The following MIPEP variants were observed in gnomAD, a reference collection of about 807,000 sequenced individuals.
The protein encoded by MIPEP is mitochondrial intermediate peptidase.
A neutral mutation model predicts 90.3 loss-of-function variants in MIPEP; 79 were observed. The ratio of observed to expected loss-of-function variants is 0.87; its 90% CI spans 0.73 to 1.05. The LOEUF (loss-of-function observed/expected upper bound fraction) is 1.05. MIPEP is among the 50% of genes least tolerant of loss of function. The pLI is 0.00. For missense variants in MIPEP, 940 were observed against 905.6 expected (o/e 1.04, Z -0.49); for synonymous variants, 334 against 315.8 (o/e 1.06, Z -0.61).
intron 16 of MIPEP, among the ~76,000 whole-genome samples, chr13:23,768,976 A>G (rs1952621499): frequency 6.6e-6 from 1 of 152,238 alleles, no homozygotes; most frequent in South Asian, 2.1e-4. Context: ...GAGACATAGA[A>G]AGGTAACATG....
intron 14 of MIPEP, among the ~76,000 whole-genome samples, chr13:23,813,817 G>A (rs1953203685): frequency 6.6e-6 from 1 of 152,176 alleles, no homozygotes; most frequent in Non-Finnish European, 1.5e-5. Flanking sequence ...GGAACCCACA[G>A]ATACAGAAGG....
chr13:23,754,002 A>G (rs956644238), intron 18 of MIPEP, among the ~76,000 whole-genome samples: 2 of 152,138 alleles, frequency 1.3e-5, no homozygotes, highest in African/African-American at 4.8e-5. Flanking sequence ...CAGGTGTTCT[A>G]TTTCTTTCCA....
At chr13:23,776,461 A>C (rs1158517128) in intron 16 of MIPEP, among the ~76,000 whole-genome samples, 18 of 152,200 alleles carry the variant, frequency 1.2e-4, no homozygotes, top group Admixed American at 1.0e-3. Context: ...TTCTGACTCC[A>C]CGAGGCAAAA....
At chr13:23,821,386 C>T (rs1381490289) in intron 14 of MIPEP, among the ~76,000 whole-genome samples, 1 of 152,108 alleles carries the variant, frequency 6.6e-6, no homozygotes, top group Non-Finnish European at 1.5e-5. Flanking sequence ...AAAATATCTG[C>T]AGATTTTTTT....
rs114767243 is a variant in MIPEP, at chr13:23,847,496, A to G, written c.1107-6008T>C. 3.9e-3 allele frequency among the ~76,000 whole-genome samples: 591 copies of G among 151,650 alleles called. 2 individuals are homozygous for G. Among genetic ancestry groups the G allele is most frequent in the African/African-American group, 0.014 (567 of 41,348 alleles). ...AAAAAAAAAACCCAAACAGAAAACTACAGACATCACGGATGTTGAGCAGTA... is the reference window on the plus strand; with the variant it reads ...AAAAAAAAAACCCAAACAGAAAACTGCAGACATCACGGATGTTGAGCAGTA... On this transcript the variant is annotated intron_variant, in intron 10 of 18. Coordinates refer to ENST00000382172, the MANE Select transcript of MIPEP (RefSeq NM_005932.4).
chr13:23,790,257 C>T (rs1952885635), intron 16 of MIPEP, among the ~76,000 whole-genome samples: 1 of 152,160 alleles, frequency 6.6e-6, no homozygotes, highest in Non-Finnish European at 1.5e-5. Flanking sequence ...GCAGAAGCGT[C>T]CGTCCTTCTC....
At chr13:23,869,482 A>G (rs1345764154) in intron 6 of MIPEP, 34 bp from the exon 7 acceptor site, 2 of 1,568,074 alleles carry the variant, frequency 1.3e-6, no homozygotes, top group Non-Finnish European at 1.7e-6. Flanking sequence ...AAGGCTATAA[A>G]TATCATCACA....
At chr13:23,808,307 G>T (rs1953134932) in intron 15 of MIPEP, among the ~76,000 whole-genome samples, 1 of 152,072 alleles carries the variant, frequency 6.6e-6, no homozygotes, top group Admixed American at 6.5e-5. Context: ...CACTGTGTTA[G>T]CCAGGATGGT....
intron 7 of MIPEP, among the ~76,000 whole-genome samples, chr13:23,865,867 C>T (rs964733681): frequency 6.6e-6 from 1 of 152,020 alleles, no homozygotes; most frequent in African/African-American, 2.4e-5. Flanking sequence ...GATGGGGTTT[C>T]ACCATGTTGG....
intron 14 of MIPEP, among the ~76,000 whole-genome samples, chr13:23,831,383 C>CGGCGGA (rs1555237538): frequency 2.4e-5 from 1 of 40,856 alleles, no homozygotes; most frequent in African/African-American, 8.4e-5. Flanking sequence ...TTCCCCATGG[C>CGGCGGA]GGGGGGGGGA....
rs1593154401 is a variant in MIPEP, at chr13:23,787,431, C to CAG, written c.1848+18517_1848+18518dup. Among the ~76,000 whole-genome samples, 8 of 149,028 alleles carry CAG rather than the reference C, an allele frequency of 5.4e-5. No homozygotes were observed. In the East Asian group the frequency reaches 5.9e-4, roughly 11 times the overall value. ...GAGAGAGAGAGAGAGAGAGAGAAGACAGAGAGAGAGAGAGCACAGCAGGAG... is the reference window on the plus strand; with the variant it reads ...GAGAGAGAGAGAGAGAGAGAGAAGACAGAGAGAGAGAGAGAGCACAGCAGGAG... On this transcript the variant is annotated intron_variant, in intron 16 of 18. Coordinates refer to ENST00000382172, the MANE Select transcript of MIPEP (RefSeq NM_005932.4).
At chr13:23,737,500 T>G (rs1952278511) in intron 18 of MIPEP, among the ~76,000 whole-genome samples, 1 of 152,204 alleles carries the variant, frequency 6.6e-6, no homozygotes, top group South Asian at 2.1e-4. Context: ...CTCCTAACTA[T>G]GCATATTTCT....
At chr13:23,796,269 A>G (rs1042636121) in intron 16 of MIPEP, among the ~76,000 whole-genome samples, 1 of 152,108 alleles carries the variant, frequency 6.6e-6, no homozygotes, top group Non-Finnish European at 1.5e-5. Flanking sequence ...AAATACAAAA[A>G]TTATCAGGGC....
intron 18 of MIPEP, among the ~76,000 whole-genome samples, chr13:23,741,057 C>T (rs1952322363): frequency 6.6e-6 from 1 of 151,918 alleles, no homozygotes; most frequent in South Asian, 2.1e-4. Flanking sequence ...GCCAAGACAC[C>T]CAGGACAAAT....
intron 10 of MIPEP, among the ~76,000 whole-genome samples, chr13:23,848,033 T>C (rs1451350124): frequency 1.3e-5 from 2 of 152,204 alleles, no homozygotes; most frequent in Non-Finnish European, 2.9e-5. Flanking sequence ...TCTAAGGCAA[T>C]CTGGAATACA....
Position 23,886,363 on chromosome 13 carries a change from G to C in MIPEP, c.333C>G (p.Leu111=). 1 of 1,594,870 alleles carries C rather than the reference G, an allele frequency of 6.3e-7. No homozygotes were observed. Among genetic ancestry groups the C allele is most frequent in the African/African-American group, 1.4e-5 (1 of 74,024 alleles). The stretch of plus-strand genomic sequence containing the variant: ...CGGCCACTCTGCATAAGGAATCCGA[G>C]AGCTCATCGAAGATCAGCACGGTCT... ...GPQTVLIFDE[L]SDSLCRVADL... is the part of the protein sequence containing the mutation. The change falls in exon 2 of 19, where the codon CTC becomes CTG. Residue 111 remains leucine, a synonymous_variant. Coordinates refer to ENST00000382172, the MANE Select transcript of MIPEP (RefSeq NM_005932.4).
rs182313977 is a variant in MIPEP at position 23,864,619 on chromosome 13, C to G, written c.944-430G>C. 2.0e-3 allele frequency among the ~76,000 whole-genome samples: 297 copies of G among 151,870 alleles called. 2 individuals are homozygous for G. Among genetic ancestry groups the G allele is most frequent in the Middle Eastern group, 6.8e-3 (2 of 294 alleles). ...GGCGTGGTGGTGCATGCCTATAGTC[C>G]CAGCTACTTGGGAGGCTAAGGCAGG... On this transcript the variant is annotated intron_variant, in intron 7 of 18. Transcript: ENST00000382172.
At chr13:23,878,087 G>C (rs1192656455) in intron 4 of MIPEP, among the ~76,000 whole-genome samples, 1 of 152,132 alleles carries the variant, frequency 6.6e-6, no homozygotes, top group East Asian at 1.9e-4. Context: ...GGGGCATGTC[G>C]ATCTTCAGTA....
chr13:23,883,257 A>T (rs9510924), intron 2 of MIPEP, among the ~76,000 whole-genome samples: 26,275 of 152,066 alleles, frequency 0.17, 2,757 homozygotes, highest in Non-Finnish European at 0.23. Flanking sequence ...TACATGATAA[A>T]TACTAAAAAT....
Sources: allele counts gnomAD v4.1 joint callset (sites outside exome capture counted in the v4.1 genomes callset), GRCh38; gene constraint gnomAD v4.1.1; transcripts MANE v1.5; gene names NCBI Gene and HGNC (gene_info 2026-07-23, HGNC 2026-07-21).